The following GTPBP4 variants were observed in gnomAD, a reference collection of about 807,000 sequenced individuals.
The protein encoded by GTPBP4 is GTP-binding protein 4.
Under a neutral mutation model 81.7 loss-of-function variants are expected in GTPBP4, and 15 were observed. The observed-to-expected ratio is 0.18, with a 90% CI of 0.12 to 0.28. The LOEUF is 0.28. GTPBP4 is among the 10% of genes least tolerant of loss of function. The probability of loss-of-function intolerance (pLI) is 1.00; values close to 1 mark genes in which losing one functional copy is unlikely to be tolerated. For missense variants in GTPBP4, 847 were observed against 793.8 expected (o/e 1.07, Z -0.81); for synonymous variants, 272 against 274.6 (o/e 0.99, Z 0.09).
intron 14 of GTPBP4, 113 bp from the exon 15 acceptor site, chr10:1,014,134 A>G (rs1335126640): frequency 4.8e-6 from 3 of 621,954 alleles, no homozygotes; most frequent in African/African-American, 1.9e-5. Context: ...CAACTTCTAA[A>G]ATAAGTATAT....
At chr10:1,014,383 G>T in intron 15 of GTPBP4, 71 bp downstream of exon 15, 1 of 1,134,240 alleles carries the variant, frequency 8.8e-7, no homozygotes, top group Non-Finnish European at 1.3e-6. Context: ...CTGGCCGGGC[G>T]TGGTGGCTCA....
chr10:992,773 G>A (rs1383145262), intron 2 of GTPBP4, 114 bp downstream of exon 2: 2 of 624,250 alleles, frequency 3.2e-6, no homozygotes, highest in Admixed American at 6.7e-5. Flanking sequence ...AATTGACTTA[G>A]GTTACTCAGT....
chr10:997,734 A>G (rs1340569419), intron 5 of GTPBP4, among the ~76,000 whole-genome samples: 3 of 152,198 alleles, frequency 2.0e-5, no homozygotes, highest in African/African-American at 7.2e-5. Context: ...CTCCGGTGGC[A>G]GGTGACACTC....
intron 12 of GTPBP4, among the ~76,000 whole-genome samples, chr10:1,009,985 ACT>A (rs377509677): frequency 1.3e-4 from 17 of 127,248 alleles, no homozygotes; most frequent in African/African-American, 4.1e-4. Context: ...ACAGAGTGAG[ACT>A]CTGTCTCAAA....
At chr10:997,143 A>G in intron 4 of GTPBP4, 65 bp from the exon 5 acceptor site, 2 of 1,011,734 alleles carry the variant, frequency 2.0e-6, no homozygotes, top group Non-Finnish European at 3.1e-6. Context: ...ACTAAGTTGA[A>G]AAGAAAATTT....
Position 992,483 on chromosome 10 carries a change from T to C in GTPBP4, c.49-6T>C, listed in dbSNP as rs1831462857. On this transcript the variant is annotated splice_polypyrimidine_tract_variant and splice_region_variant and intron_variant, in intron 1 of 16. Coordinates refer to ENST00000360803, the MANE Select transcript of GTPBP4 (RefSeq NM_012341.3). Reference sequence around the variant, plus strand: ...TGTAATTATGTTTTATTTTCTTTAATTGCAGGACTTCATAGACCTCACGTT... The same window carrying C: ...TGTAATTATGTTTTATTTTCTTTAACTGCAGGACTTCATAGACCTCACGTT... The C allele has an allele frequency of 6.4e-7, 1 of 1,560,428 alleles. No homozygotes were observed. The highest frequency in any genetic ancestry group is 8.8e-7 in the Non-Finnish European group (1 of 1,134,484).
intron 1 of GTPBP4, among the ~76,000 whole-genome samples, chr10:992,000 A>G (rs1831453144): frequency 6.6e-6 from 1 of 150,950 alleles, no homozygotes; most frequent in Non-Finnish European, 1.5e-5. Flanking sequence ...CGGCCGGTGT[A>G]AAATTTATCT....
Position 1,017,380 on chromosome 10 carries a change from A to G in GTPBP4, c.*153A>G. On this transcript the variant is annotated 3_prime_UTR_variant, in exon 17 of 17. Transcript: ENST00000360803. The stretch of plus-strand genomic sequence containing the variant: ...TTTGCTGAAAACTATGGTTAACCCT[A>G]TATAGGTGTGGGAAATTTTTGTCAC... The G allele has an allele frequency of 4.7e-6, 3 of 639,478 alleles. No homozygotes were observed. Among genetic ancestry groups the G allele is most frequent in the Admixed American group, 6.1e-5 (2 of 32,670 alleles). 39.6% of individuals were successfully genotyped at this position (639,478 alleles called of 1,614,324 possible).
chr10:1,007,250 C>A, intron 10 of GTPBP4, 122 bp downstream of exon 10: 2 of 625,952 alleles, frequency 3.2e-6, no homozygotes, highest in African/African-American at 1.8e-5. Context: ...GTGGGTGGGC[C>A]TCAGTTTCAC....
rs769378766 is a variant in GTPBP4, at chr10:1,014,231, T to C, written c.1543-16T>C. The C allele has an allele frequency of 3.3e-6, 5 of 1,530,512 alleles. No individual in the cohort carries two copies. In the Admixed American group the frequency reaches 6.7e-5, roughly 20 times the overall value. 94.8% of individuals were successfully genotyped at this position (1,530,512 alleles called of 1,614,324 possible). On this transcript the variant is annotated splice_polypyrimidine_tract_variant and intron_variant, in intron 14 of 16. Coordinates refer to ENST00000360803, the MANE Select transcript of GTPBP4 (RefSeq NM_012341.3). ...CAAACTAATTTAAAGCTAATATTTCTTTTTATCCTTCTCAGGTTCAGAGGA... is the reference window on the plus strand; with the variant it reads ...CAAACTAATTTAAAGCTAATATTTCCTTTTATCCTTCTCAGGTTCAGAGGA...
At chr10:1,010,745 C>G (rs1314070222) in intron 13 of GTPBP4, among the ~76,000 whole-genome samples, 1 of 148,248 alleles carries the variant, frequency 6.7e-6, no homozygotes, top group Admixed American at 6.7e-5. Context: ...GCCGCCTCCA[C>G]CCACCCACCC....
intron 10 of GTPBP4, 155 bp from the exon 11 acceptor site, chr10:1,008,803 T>C: frequency 1.5e-6 from 1 of 686,694 alleles, no homozygotes; most frequent in Non-Finnish European, 2.7e-6. Flanking sequence ...ATGAACCCAC[T>C]CCTCTCCCCT....
Position 1,007,146 on chromosome 10 carries a change from A to G in GTPBP4, c.1113+18A>G, listed in dbSNP as rs1168713227. On this transcript the variant is annotated intron_variant, in intron 10 of 16. Coordinates refer to ENST00000360803, the MANE Select transcript of GTPBP4 (RefSeq NM_012341.3). ...ACGATAAGGTAAGACGGCCCCTGGGACAGCCGTGGGCTCACAGTACTGTCA... is the reference window on the plus strand; with the variant it reads ...ACGATAAGGTAAGACGGCCCCTGGGGCAGCCGTGGGCTCACAGTACTGTCA... 2.9e-6 allele frequency: 4 copies of G among 1,370,452 alleles called. No individual in the cohort carries two copies. Among genetic ancestry groups the G allele is most frequent in the Non-Finnish European group, 4.2e-6 (4 of 958,000 alleles). 84.9% of individuals were successfully genotyped at this position (1,370,452 alleles called of 1,614,324 possible).
intron 8 of GTPBP4, 49 bp from the exon 9 acceptor site, chr10:1,005,769 G>A (rs752707266): frequency 2.0e-6 from 2 of 1,022,558 alleles, no homozygotes; most frequent in Admixed American, 1.7e-5. Flanking sequence ...TGTTCCATAG[G>A]GAACTGGAAA....
Position 1,019,788 on chromosome 10 carries a change from G to A in GTPBP4, c.*2561G>A. ...CTCTCCCCAAATTCTGTCTGATTTT[G>A]CCTTGTGGTGATAGATTGTCATGAA... is the stretch of plus-strand genomic sequence containing the variant. On this transcript the variant is annotated 3_prime_UTR_variant, in exon 17 of 17. Transcript: ENST00000360803. The A allele has an allele frequency of 1.2e-6, 2 of 1,614,022 alleles. No homozygotes were observed. The highest frequency in any genetic ancestry group is 1.1e-5 in the South Asian group (1 of 91,078).
chr10:1,005,878 G>A lies in GTPBP4; in HGVS notation c.973G>A (p.Glu325Lys). 1 of 1,590,462 alleles carries A rather than the reference G, an allele frequency of 6.3e-7. No homozygotes were observed. Among genetic ancestry groups the A allele is most frequent in the Non-Finnish European group, 8.6e-7 (1 of 1,164,668 alleles). Reference sequence around the variant, plus strand: ...TGTAATAGAGACCAGCACCCTGACTGAGGAAGGTGTTATTAAAGTTAAAAC... The same window carrying A: ...TGTAATAGAGACCAGCACCCTGACTAAGGAAGGTGTTATTAAAGTTAAAAC... ...FPVIETSTLT[E>K]EGVIKVKTEA... The change falls in exon 9 of 17, where the codon GAG becomes AAG. Residue 325 changes from glutamate (E) to lysine (K), a missense_variant. Physicochemically the swap from Glu to Lys is moderately conservative, Grantham distance 56. Coordinates refer to ENST00000360803, the MANE Select transcript of GTPBP4 (RefSeq NM_012341.3).
At position 1,015,399 on chromosome 10, in the gene GTPBP4, CCT is replaced by C. The variant is rs1831961723; in HGVS notation, c.1609-353_1609-352del. 1.5e-3 allele frequency among the ~76,000 whole-genome samples: 60 copies of C among 39,364 alleles called. 12 individuals carry two copies. The highest frequency in any genetic ancestry group is 2.3e-3 in the African/African-American group (29 of 12,350). 25.8% of individuals were successfully genotyped at this position (39,364 alleles called of 152,430 possible). On this transcript the variant is annotated intron_variant, in intron 15 of 16. Coordinates refer to ENST00000360803, the MANE Select transcript of GTPBP4 (RefSeq NM_012341.3). Reference sequence around the variant, plus strand: ...CCTGAGCTCTGAGCCTGGGAGTGGACCTGGGGTCCTGAGCGCTGAGCCTGGGA... The same window carrying C: ...CCTGAGCTCTGAGCCTGGGAGTGGACGGGGTCCTGAGCGCTGAGCCTGGGA...
At chr10:998,050 TGC>T (rs1216167267) in intron 5 of GTPBP4, among the ~76,000 whole-genome samples, 2 of 152,190 alleles carry the variant, frequency 1.3e-5, no homozygotes, top group African/African-American at 4.8e-5. Context: ...GCTTACTCAG[TGC>T]CAAGATCACT....
In GTPBP4 at chr10:1,017,650, G is replaced by C. The variant is rs1471980793; in HGVS notation, c.*423G>C. 6.5e-6 allele frequency: 1 copy of C among 154,558 alleles called. No individual in the cohort carries two copies. The highest frequency in any genetic ancestry group is 1.4e-5 in the Non-Finnish European group (1 of 69,808). 9.6% of individuals were successfully genotyped at this position (154,558 alleles called of 1,614,324 possible). The stretch of plus-strand genomic sequence containing the variant: ...ATTTTACAATGTCTCATTGTAGTCT[G>C]TCTTCAACTATTTTATCCAAAATAA... On this transcript the variant is annotated 3_prime_UTR_variant, in exon 17 of 17. Transcript: ENST00000360803.
Sources: allele counts gnomAD v4.1 joint callset (sites outside exome capture counted in the v4.1 genomes callset), GRCh38; gene constraint gnomAD v4.1.1; transcripts MANE v1.5; gene names NCBI Gene and HGNC (gene_info 2026-07-23, HGNC 2026-07-21).